Variants in RNF168 observed in about 807,000 individuals in gnomAD.
The protein encoded by RNF168 is E3 ubiquitin-protein ligase RNF168.
Under a neutral mutation model 34.9 loss-of-function variants are expected in RNF168, and 34 were observed. That is an observed-to-expected ratio of 0.97 (90% confidence interval 0.74 to 1.30). The LOEUF (loss-of-function observed/expected upper bound fraction) is 1.30, where lower values mean the gene tolerates loss of function less well. Ranked by LOEUF, RNF168 falls within the 50% of genes most tolerant of loss-of-function variation. The pLI, the probability that RNF168 is intolerant of heterozygous loss-of-function variation, is 0.00. For missense variants in RNF168, 725 were observed against 682.5 expected (o/e 1.06, Z -0.69); for synonymous variants, 264 against 254.7 (o/e 1.04, Z -0.35).
chr3:196,499,882 G>A (rs777168713), intron 1 of RNF168, among the ~76,000 whole-genome samples: 11 of 152,148 alleles, frequency 7.2e-5, no homozygotes, highest in Non-Finnish European at 1.5e-4. Flanking sequence ...ATATACAAAT[G>A]GCCAATAAAT....
chr3:196,486,044 C>T (rs1374594148), intron 3 of RNF168, among the ~76,000 whole-genome samples: 5 of 152,232 alleles, frequency 3.3e-5, no homozygotes, highest in Non-Finnish European at 7.3e-5. Context: ...CTGGGCCCCA[C>T]AGTACCCTCT....
At chr3:196,486,966 G>A (rs1022522431) in intron 3 of RNF168, among the ~76,000 whole-genome samples, 9 of 152,138 alleles carry the variant, frequency 5.9e-5, no homozygotes, top group Non-Finnish European at 1.0e-4. Flanking sequence ...GAGGTTGGAA[G>A]GATCACCGGA....
chr3:196,503,444 G>A lies in RNF168; in HGVS notation c.-271C>T. 2 of 469,284 alleles carry A rather than the reference G, an allele frequency of 4.3e-6. No homozygotes were observed. The highest frequency in any genetic ancestry group is 4.3e-5 in the East Asian group (1 of 23,484). 29.1% of individuals were successfully genotyped at this position (469,284 alleles called of 1,614,324 possible). On this transcript the variant is annotated 5_prime_UTR_variant, in exon 1 of 6. Transcript: ENST00000318037. ...CAAATAAATGCAGGTTTTCGTCGGA[G>A]GAGCCTGGCTGCTCCGCGGCATGAA...
rs1732739727 is a variant in RNF168 at position 196,496,212 on chromosome 3, C to A, written c.301+6661G>T. Among the ~76,000 whole-genome samples the A allele has an allele frequency of 1.3e-5, 2 of 152,148 alleles. 1 individual carries two copies. The highest frequency in any genetic ancestry group is 4.1e-4 in the South Asian group (2 of 4,826). ...CACCATAGAAAAGTACCACAAATTG[C>A]GTGACTTGAAAATACAGCAATTTAT... is the stretch of plus-strand genomic sequence containing the variant. On this transcript the variant is annotated intron_variant, in intron 1 of 5. Transcript: ENST00000318037.
intron 1 of RNF168, among the ~76,000 whole-genome samples, chr3:196,495,381 TAAC>T (rs1732716253): frequency 6.6e-6 from 1 of 152,252 alleles, no homozygotes; most frequent in Non-Finnish European, 1.5e-5. Flanking sequence ...ATGTCTTTAA[TAAC>T]AACCTTTGTC....
chr3:196,503,156 G>A lies in RNF168; in HGVS notation c.18C>T (p.Asp6=). The A allele has an allele frequency of 1.9e-6, 3 of 1,614,040 alleles. No individual in the cohort carries two copies. The highest frequency in any genetic ancestry group is 1.1e-5 in the South Asian group (1 of 91,076). Reference sequence around the variant, plus strand: ...GGCACTCGGACAGCGAGGGGATGGCGTCTTTGGGTAGAGCCATTTCAATAT... The same window carrying A: ...GGCACTCGGACAGCGAGGGGATGGCATCTTTGGGTAGAGCCATTTCAATAT... MALPK[D]AIPSLSECQC... is the part of the protein sequence containing the mutation. Residue 6 remains aspartate (D), a synonymous_variant, in exon 1 of 6, where the codon GAC becomes GAT. Transcript: ENST00000318037.
Position 196,472,043 on chromosome 3 carries a change from T to C in RNF168, c.1492A>G (p.Asn498Asp). 1 of 1,613,940 alleles carries C rather than the reference T, an allele frequency of 6.2e-7. No homozygotes were observed. The change falls in exon 6 of 6, where the codon AAC (asparagine) becomes GAC (aspartate). Residue 498 changes from asparagine (N) to aspartate (D), a missense_variant. By Grantham distance (23) the Asn-to-Asp change is conservative. Coordinates refer to ENST00000318037, the MANE Select transcript of RNF168 (RefSeq NM_152617.4). Reference sequence around the variant, plus strand: ...TTTGTGTGAGTTTGCCTTTTGAAGTTCCCATCTTTGGGATTCTTCCTCTGT... The same window carrying C: ...TTTGTGTGAGTTTGCCTTTTGAAGTCCCCATCTTTGGGATTCTTCCTCTGT... ...NGQRKNPKDGNFKRQTHTKHP... is the reference protein window; with the variant it reads ...NGQRKNPKDGDFKRQTHTKHP...
At chr3:196,499,549 G>A (rs116056982) in intron 1 of RNF168, among the ~76,000 whole-genome samples, 3 of 152,164 alleles carry the variant, frequency 2.0e-5, no homozygotes, top group Non-Finnish European at 2.9e-5. Flanking sequence ...CAGCCCGGAC[G>A]CGGTGGCTCA....
chr3:196,484,079 T>A (rs900257862), intron 3 of RNF168, among the ~76,000 whole-genome samples, 188 bp from the exon 4 acceptor site: 11 of 152,088 alleles, frequency 7.2e-5, no homozygotes, highest in African/African-American at 2.2e-4. Flanking sequence ...TCCAAGTTGG[T>A]CTAAATTAAT....
At chr3:196,482,729 G>A (rs1732327138) in intron 4 of RNF168, among the ~76,000 whole-genome samples, 1 of 151,852 alleles carries the variant, frequency 6.6e-6, no homozygotes, top group Non-Finnish European at 1.5e-5. Context: ...TGTACTTATT[G>A]GCCACTTGTA....
chr3:196,487,631 G>T, intron 2 of RNF168, 53 bp from the exon 3 acceptor site: 1 of 1,497,056 alleles, frequency 6.7e-7, no homozygotes. Flanking sequence ...TGGTATACTT[G>T]CAATATTTCA....
rs118037354 is a variant in RNF168 at position 196,495,348 on chromosome 3, T to C, written c.302-6665A>G. Among the ~76,000 whole-genome samples, 423 of 152,378 alleles carry C rather than the reference T, an allele frequency of 2.8e-3. 23 individuals are homozygous for C. The South Asian group carries it at 0.071, about 26-fold the overall frequency. Reference sequence around the variant, plus strand: ...GATATATTACCCATCATATCAATGATAAAAATTTCACCAACTATCCCCATG... The same window carrying C: ...GATATATTACCCATCATATCAATGACAAAAATTTCACCAACTATCCCCATG... On this transcript the variant is annotated intron_variant, in intron 1 of 5. Transcript: ENST00000318037.
At chr3:196,487,336 C>T (rs1364682821) in intron 3 of RNF168, 63 bp downstream of exon 3, 5 of 1,316,824 alleles carry the variant, frequency 3.8e-6, no homozygotes, top group Admixed American at 1.7e-5. Flanking sequence ...TTCCCATGAG[C>T]GGGTTCTGCA....
chr3:196,499,355 T>C (rs1732825596), intron 1 of RNF168, among the ~76,000 whole-genome samples: 1 of 152,146 alleles, frequency 6.6e-6, no homozygotes, highest in Admixed American at 6.5e-5. Context: ...GAGCCTTCAA[T>C]GTACATGTCC....
rs145414441 is a variant in RNF168 at position 196,503,038 on chromosome 3, T to C, written c.136A>G (p.Lys46Glu). ...CKPCFQSTVE[K>E]ASLCCPFCRR... ...CAGAAGGGACAGCATAAACTCGCCT[T>C]TTCGACGGTCGACTGGAAGCACGGT... is the stretch of plus-strand genomic sequence containing the variant. The change falls in exon 1 of 6, where the codon AAG becomes GAG. Residue 46 changes from lysine (K) to glutamate (E), a missense_variant. Coordinates refer to ENST00000318037, the MANE Select transcript of RNF168 (RefSeq NM_152617.4). 1.2e-6 allele frequency: 2 copies of C among 1,613,986 alleles called. No individual in the cohort carries two copies. Among genetic ancestry groups the C allele is most frequent in the Non-Finnish European group, 1.7e-6 (2 of 1,180,026 alleles).
At chr3:196,477,422 C>T (rs1348731121) in intron 4 of RNF168, among the ~76,000 whole-genome samples, 1 of 152,162 alleles carries the variant, frequency 6.6e-6, no homozygotes, top group Non-Finnish European at 1.5e-5. Context: ...ACAAAGATCT[C>T]ATATAAAGAA....
chr3:196,493,559 CTT>C (rs1428795708), intron 1 of RNF168, among the ~76,000 whole-genome samples: 7 of 151,450 alleles, frequency 4.6e-5, no homozygotes, highest in African/African-American at 1.7e-4. Flanking sequence ...GAGTTTCGCT[CTT>C]GTTGCCCAGG....
chr3:196,478,592 T>C (rs546755513), intron 4 of RNF168, among the ~76,000 whole-genome samples: 98 of 152,290 alleles, frequency 6.4e-4, no homozygotes, highest in Non-Finnish European at 1.2e-3. Flanking sequence ...AAGGTTCTCC[T>C]TTTAACATAT....
rs753020221 is a variant in RNF168 at position 196,472,691 on chromosome 3, A to G, written c.844T>C (p.Ser282Pro). 2.2e-5 allele frequency: 36 copies of G among 1,606,642 alleles called. No individual in the cohort carries two copies. Among genetic ancestry groups the G allele is most frequent in the Non-Finnish European group, 2.9e-5 (34 of 1,173,602 alleles). Residue 282 changes from serine to proline, a missense_variant, in exon 6 of 6, where the codon TCC becomes CCC. Transcript: ENST00000318037. The stretch of plus-strand genomic sequence containing the variant: ...GCACCTTGTTCTCCAACTCCAAGGG[A>G]TATCTGTGGAGAAAGTGTCGGCATA... ...EDMPTLSPQI[S>P]LGVGEQGADS...
Sources: allele counts gnomAD v4.1 joint callset (sites outside exome capture counted in the v4.1 genomes callset), GRCh38; gene constraint gnomAD v4.1.1; transcripts MANE v1.5; gene names NCBI Gene and HGNC (gene_info 2026-07-23, HGNC 2026-07-21).